ZNF277: variants seen among roughly 807,000 people sequenced by gnomAD.
ZNF277 encodes the protein zinc finger protein 277, also known as nuclear receptor-interacting factor 4.
In ZNF277, 55 loss-of-function variants were observed where a neutral mutation model predicts 60.7. That is an observed-to-expected ratio of 0.91 (90% CI 0.73 to 1.13). ZNF277 has a LOEUF of 1.13. ZNF277 is among the 50% of genes most tolerant of loss of function. The probability of loss-of-function intolerance (pLI) is 0.00; values close to 1 mark genes in which losing one functional copy is unlikely to be tolerated. For missense variants in ZNF277, 510 were observed against 523.0 expected (o/e 0.98, Z 0.24); for synonymous variants, 178 against 179.3 (o/e 0.99, Z 0.06).
At chr7:112,282,585 C>T (rs902053186) in intron 1 of ZNF277, among the ~76,000 whole-genome samples, 1 of 152,212 alleles carries the variant, frequency 6.6e-6, no homozygotes, top group Middle Eastern at 3.2e-3. Flanking sequence ...TAACCTCTAT[C>T]CCTCTCCTCT....
chr7:112,321,014 C>T (rs937072742), intron 5 of ZNF277, among the ~76,000 whole-genome samples: 2 of 149,982 alleles, frequency 1.3e-5, no homozygotes, highest in African/African-American at 4.9e-5. Flanking sequence ...TTCCGCCTCC[C>T]GAGTTCAAGC....
chr7:112,255,443 A>G (rs1791286848), intron 1 of ZNF277, among the ~76,000 whole-genome samples: 1 of 152,218 alleles, frequency 6.6e-6, no homozygotes, highest in African/African-American at 2.4e-5. Context: ...AAGCTGAACC[A>G]CCTCTATGCT....
chr7:112,335,961 A>G lies in ZNF277; in HGVS notation c.802-143A>G. Reference sequence around the variant, plus strand: ...AACCATCATAAGTTGGGCCATCTGTATATCCTACTTGTACTGTTTCAAAAC... The same window carrying G: ...AACCATCATAAGTTGGGCCATCTGTGTATCCTACTTGTACTGTTTCAAAAC... On this transcript the variant is annotated intron_variant, in intron 7 of 11. Coordinates refer to ENST00000361822, the MANE Select transcript of ZNF277 (RefSeq NM_021994.3). 5.9e-6 allele frequency: 3 copies of G among 509,988 alleles called. 1 individual carries two copies. The South Asian group carries it at 1.1e-4, about 19-fold the overall frequency. 31.6% of individuals were successfully genotyped at this position (509,988 alleles called of 1,614,324 possible).
chr7:112,244,607 CA>C (rs959526770), intron 1 of ZNF277, among the ~76,000 whole-genome samples: 1 of 151,338 alleles, frequency 6.6e-6, no homozygotes, highest in East Asian at 1.9e-4. Context: ...ATAAAAAGAG[CA>C]AAAAAAAGTT....
intron 2 of ZNF277, 82 bp downstream of exon 2, chr7:112,287,156 G>A: frequency 2.1e-6 from 3 of 1,441,186 alleles, no homozygotes; most frequent in Non-Finnish European, 2.9e-6. Context: ...ACTTTGGGAG[G>A]CCAAAGTGGG....
chr7:112,206,888 C>A, intron 1 of ZNF277, 81 bp downstream of exon 1: 1 of 1,403,602 alleles, frequency 7.1e-7, no homozygotes, highest in South Asian at 1.2e-5. Context: ...CTGGTCTGAC[C>A]CTAGGAGCCC....
intron 1 of ZNF277, among the ~76,000 whole-genome samples, chr7:112,215,840 A>C (rs1312231132): frequency 6.6e-6 from 1 of 152,202 alleles, no homozygotes; most frequent in Non-Finnish European, 1.5e-5. Context: ...TTTACTAGTA[A>C]AGATCTCAGA....
chr7:112,206,769 A>G lies in ZNF277; in HGVS notation c.53A>G (p.Asp18Gly). The change falls in exon 1 of 12, where the codon GAT becomes GGT. Residue 18 changes from aspartate (D) to glycine (G), a missense_variant. Physicochemically the swap from Asp to Gly is moderately conservative, Grantham distance 94. Coordinates refer to ENST00000361822, the MANE Select transcript of ZNF277 (RefSeq NM_021994.3). The stretch of plus-strand genomic sequence containing the variant: ...GTCGCCCGAATGCAGGAAGACCGTG[A>G]TGGGAGCTGCAGCACAGTCGGGGGT... ...GAVARMQEDR[D>G]GSCSTVGGVG... The G allele has an allele frequency of 6.2e-7, 1 of 1,613,030 alleles. No individual in the cohort carries two copies. The highest frequency in any genetic ancestry group is 1.7e-5 in the Admixed American group (1 of 59,776).
intron 5 of ZNF277, among the ~76,000 whole-genome samples, chr7:112,324,351 A>T (rs1350826454): frequency 6.6e-6 from 1 of 152,242 alleles, no homozygotes; most frequent in Admixed American, 6.6e-5. Context: ...TTAGTTCATT[A>T]ATAATAAAAT....
chr7:112,259,916 T>C (rs928614230), intron 1 of ZNF277, among the ~76,000 whole-genome samples: 1 of 152,112 alleles, frequency 6.6e-6, no homozygotes, highest in East Asian at 1.9e-4. Context: ...AGAAAAACTG[T>C]TATAAGATTT....
chr7:112,262,327 T>G (rs1413383779), intron 1 of ZNF277, among the ~76,000 whole-genome samples: 2 of 151,580 alleles, frequency 1.3e-5, no homozygotes. Context: ...ATGGCCAAGC[T>G]GCTAGCTAGG....
At chr7:112,279,619 C>G (rs1182507095) in intron 1 of ZNF277, among the ~76,000 whole-genome samples, 1 of 152,084 alleles carries the variant, frequency 6.6e-6, no homozygotes, top group African/African-American at 2.4e-5. Flanking sequence ...ATTAGGGTCA[C>G]CAGCTCCCTG....
At chr7:112,230,359 T>A (rs948772405) in intron 1 of ZNF277, among the ~76,000 whole-genome samples, 15 of 152,164 alleles carry the variant, frequency 9.9e-5, no homozygotes, top group Non-Finnish European at 1.5e-5. Context: ...CCTTATGTAG[T>A]CCAAACTGGA....
At chr7:112,291,651 T>G (rs1792209529) in intron 2 of ZNF277, among the ~76,000 whole-genome samples, 1 of 152,214 alleles carries the variant, frequency 6.6e-6, no homozygotes, top group South Asian at 2.1e-4. Context: ...AAGCATGTAC[T>G]GAAGATCTGC....
intron 7 of ZNF277, among the ~76,000 whole-genome samples, chr7:112,334,961 A>G (rs1198384543): frequency 1.3e-5 from 2 of 152,112 alleles, no homozygotes; most frequent in East Asian, 1.9e-4. Context: ...CAAATTAACC[A>G]TCTCTAATGA....
At chr7:112,250,460 CG>C (rs1345986964) in intron 1 of ZNF277, among the ~76,000 whole-genome samples, 1 of 152,132 alleles carries the variant, frequency 6.6e-6, no homozygotes, top group African/African-American at 2.4e-5. Context: ...CACACCTATT[CG>C]CACACTCCCT....
rs568590099 is a variant in ZNF277 at position 112,269,137 on chromosome 7, CT to C, written c.92-17734del. Among the ~76,000 whole-genome samples the C allele has an allele frequency of 4.6e-5, 7 of 151,810 alleles. No homozygotes were observed. In the East Asian group the frequency reaches 1.4e-3, roughly 29 times the overall value. The stretch of plus-strand genomic sequence containing the variant: ...CCATATGGACAATGAATGACAAGAC[CT>C]TGAATTTGTTCATGATCTTATTCCT... On this transcript the variant is annotated intron_variant, in intron 1 of 11. Transcript: ENST00000361822.
intron 1 of ZNF277, among the ~76,000 whole-genome samples, chr7:112,240,823 C>T (rs1283082492): frequency 1.3e-5 from 2 of 152,070 alleles, no homozygotes; most frequent in African/African-American, 4.8e-5. Context: ...GAAACTAGAC[C>T]CTTGTCTCTT....
chr7:112,241,005 G>T (rs2116993315), intron 1 of ZNF277, among the ~76,000 whole-genome samples: 1 of 152,158 alleles, frequency 6.6e-6, no homozygotes, highest in Non-Finnish European at 1.5e-5. Context: ...GGACAGATGG[G>T]ATCATATCAA....
Sources: gnomAD v4.1 joint callset for allele counts (sites outside exome capture counted in the v4.1 genomes callset) on GRCh38, gnomAD v4.1.1 for gene constraint, MANE v1.5 for transcripts, NCBI Gene and HGNC (gene_info 2026-07-23, HGNC 2026-07-21) for gene names.